Variants in GLB1 observed in about 807,000 individuals in gnomAD.
GLB1 encodes galactosidase beta 1, also known as beta-galactosidase.
GLB1 carries 56 observed loss-of-function variants against 74.0 expected under a neutral mutation model. The ratio of observed to expected loss-of-function variants is 0.76; its 90% confidence interval spans 0.61 to 0.94. The LOEUF (loss-of-function observed/expected upper bound fraction) is 0.94. GLB1 is among the 40% of genes least tolerant of loss of function. GLB1 has a pLI of 0.00. For synonymous variants in GLB1, 323 were observed against 323.6 expected, an observed-to-expected ratio of 1.00 and a Z score of 0.02; for missense variants, 787 against 845.5, an observed-to-expected ratio of 0.93 and a Z score of 0.86.
chr3:33,018,484 A>C lies in GLB1; in HGVS notation c.1311T>G (p.Asn437Lys), dbSNP rs1269462263. ...CAACATATGCTCGATCGTGGACTCCATTGAGGGGTGAAGAGAGAGGTGCTG... is the reference window on the plus strand; with the variant it reads ...CAACATATGCTCGATCGTGGACTCCCTTGAGGGGTGAAGAGAGAGGTGCTG... ...SNPAPLSSPL[N>K]GVHDRAYVAV... Residue 437 changes from asparagine to lysine, a missense_variant, in exon 13 of 16, where the codon AAT becomes AAG. Asn to Lys is a moderately conservative substitution (Grantham distance 94). Coordinates refer to ENST00000307363, the MANE Select transcript of GLB1 (RefSeq NM_000404.4). 1 of 1,613,916 alleles carries C rather than the reference A, an allele frequency of 6.2e-7. No homozygotes were observed. Among genetic ancestry groups the C allele is most frequent in the Non-Finnish European group, 8.5e-7 (1 of 1,180,004 alleles).
chr3:33,077,659 T>A (rs1243759019), intron 1 of GLB1, among the ~76,000 whole-genome samples: 1 of 151,046 alleles, frequency 6.6e-6, no homozygotes, highest in Non-Finnish European at 1.5e-5. Context: ...ATAAAGTAAC[T>A]GGTAAATGTG....
intron 6 of GLB1, among the ~76,000 whole-genome samples, chr3:33,055,044 G>A: frequency 6.6e-6 from 1 of 152,220 alleles, no homozygotes; most frequent in East Asian, 1.9e-4. Context: ...GATTGAGAAA[G>A]AGCAGAATCT....
At chr3:33,072,836 G>C in intron 1 of GLB1, 123 bp from the exon 2 acceptor site, 1 of 1,462,548 alleles carries the variant, frequency 6.8e-7, no homozygotes, top group Middle Eastern at 2.2e-4. Context: ...TGGACTTAAT[G>C]CTTGTTTTCT....
intron 11 of GLB1, 98 bp from the exon 12 acceptor site, chr3:33,021,753 A>G: frequency 1.5e-6 from 2 of 1,351,260 alleles, no homozygotes; most frequent in Non-Finnish European, 1.0e-6. Flanking sequence ...AGTGGGTTTG[A>G]CCAAACCCCT....
chr3:32,996,107 A>C (rs1055105569), downstream of GLB1, among the ~76,000 whole-genome samples: 2 of 152,348 alleles, frequency 1.3e-5, no homozygotes, highest in East Asian at 3.9e-4. Context: ...CGGCAGGATG[A>C]CAGTATATTC....
Position 32,997,091 on chromosome 3 carries a change from G to A in GLB1, c.1988C>T (p.Pro663Leu). Residue 663 changes from proline to leucine, a missense_variant, in exon 16 of 16, where the codon CCC (proline) becomes CTC (leucine). Pro to Leu is a moderately conservative substitution (Grantham distance 98). Transcript: ENST00000307363. ...PSKPVEKRLM[P>L]PPPQKNKDSW... Reference sequence around the variant, plus strand: ...ATCTTTGTTTTTTTGCGGGGGTGGGGGCATGAGTCTTTTTTCAACAGGTTT... The same window carrying A: ...ATCTTTGTTTTTTTGCGGGGGTGGGAGCATGAGTCTTTTTTCAACAGGTTT... The A allele has an allele frequency of 6.2e-7, 1 of 1,614,110 alleles. No homozygotes were observed. Among genetic ancestry groups the A allele is most frequent in the Non-Finnish European group, 8.5e-7 (1 of 1,180,016 alleles).
intron 6 of GLB1, 134 bp from the exon 7 acceptor site, chr3:33,053,683 G>C: frequency 8.3e-7 from 1 of 1,204,206 alleles, no homozygotes. Flanking sequence ...AAATTCTCAT[G>C]TTGGAACTTA....
chr3:33,063,163 T>C (rs1434187705), intron 5 of GLB1, among the ~76,000 whole-genome samples: 2 of 151,478 alleles, frequency 1.3e-5, no homozygotes, highest in East Asian at 1.9e-4. Flanking sequence ...TTGAACGATA[T>C]GAAAAAGTGC....
chr3:33,072,835 T>C, intron 1 of GLB1, 122 bp from the exon 2 acceptor site: 1 of 1,471,476 alleles, frequency 6.8e-7, no homozygotes, highest in African/African-American at 1.4e-5. Flanking sequence ...ATGGACTTAA[T>C]GCTTGTTTTC....
At chr3:33,089,002 A>G (rs762700509) in intron 1 of GLB1, among the ~76,000 whole-genome samples, 1 of 152,246 alleles carries the variant, frequency 6.6e-6, no homozygotes, top group Non-Finnish European at 1.5e-5. Context: ...ATGATTTTCA[A>G]CAAAGATGCC....
At chr3:32,978,926 ATTT>A in the GLB1 span, among the ~76,000 whole-genome samples, 5 of 120,670 alleles carry the variant, frequency 4.1e-5, no homozygotes, top group Admixed American at 8.6e-5. Flanking sequence ...CACCCGGCTA[ATTT>A]TTTTTTTTTT....
chr3:32,993,709 A>G (rs1696262813), downstream of GLB1, among the ~76,000 whole-genome samples: 1 of 150,686 alleles, frequency 6.6e-6, no homozygotes, highest in Non-Finnish European at 1.5e-5. Context: ...TAATTTTTGT[A>G]TTTTTTAGTA....
At chr3:33,011,774 C>T (rs145563155) in intron 15 of GLB1, among the ~76,000 whole-genome samples, 54 of 152,258 alleles carry the variant, frequency 3.5e-4, no homozygotes, top group African/African-American at 1.2e-3. Context: ...TTGCCTTCTC[C>T]TCCTCCAGCT....
At chr3:33,077,312 C>G in intron 1 of GLB1, 2 of 1,563,714 alleles carry the variant, frequency 1.3e-6, no homozygotes, top group Non-Finnish European at 8.7e-7. Context: ...GATTAAGAGG[C>G]ATACACCACT....
At chr3:32,974,432 T>A in the GLB1 span, among the ~76,000 whole-genome samples, 42,943 of 152,122 alleles carry the variant, frequency 0.28, 6,374 homozygotes, top group Middle Eastern at 0.45. Context: ...TATCCACATC[T>A]ATATCTATAT....
intron 6 of GLB1, among the ~76,000 whole-genome samples, chr3:33,056,704 G>A (rs527674898): frequency 6.6e-6 from 1 of 152,102 alleles, no homozygotes; most frequent in African/African-American, 2.4e-5. Flanking sequence ...TACACTATCA[G>A]TTTCTCTATA....
chr3:33,096,002 A>G (rs916413529), intron 1 of GLB1, among the ~76,000 whole-genome samples: 6 of 152,230 alleles, frequency 3.9e-5, no homozygotes, highest in African/African-American at 1.2e-4. Flanking sequence ...AAGATGTTCA[A>G]TCTTGGTTGT....
In GLB1 at chr3:33,052,556, G is replaced by A. The variant is rs149396505; in HGVS notation, c.793-552C>T. 309 of 164,300 alleles carry A rather than the reference G, an allele frequency of 1.9e-3. 1 individual carries two copies. Among genetic ancestry groups the A allele is most frequent in the Non-Finnish European group, 2.7e-3 (199 of 74,384 alleles). 10.2% of individuals were successfully genotyped at this position (164,300 alleles called of 1,614,324 possible). On this transcript the variant is annotated intron_variant, in intron 7 of 15. Transcript: ENST00000307363. ...TGAGGCAGGAGAATCGCTTGAACCCGGGAGGTGGAGAATGCAGTGAGCTGA... is the reference window on the plus strand; with the variant it reads ...TGAGGCAGGAGAATCGCTTGAACCCAGGAGGTGGAGAATGCAGTGAGCTGA...
the GLB1 span, among the ~76,000 whole-genome samples, chr3:32,967,918 G>C: frequency 1.3e-5 from 2 of 152,256 alleles, no homozygotes; most frequent in South Asian, 2.1e-4. Context: ...AAGGAGCAAG[G>C]GCCCAAGGCA....
Sources: allele counts gnomAD v4.1 joint callset (sites outside exome capture counted in the v4.1 genomes callset), GRCh38; gene constraint gnomAD v4.1.1; transcripts MANE v1.5; gene names NCBI Gene and HGNC (gene_info 2026-07-23, HGNC 2026-07-21).